Variants in NRG1 observed in about 807,000 individuals in gnomAD.
The protein encoded by NRG1 is neuregulin 1.
A neutral mutation model predicts 63.8 loss-of-function variants in NRG1; 18 were observed. The ratio of observed to expected loss-of-function variants is 0.28; its 90% CI spans 0.19 to 0.42. NRG1 has a LOEUF of 0.42. Ranked by LOEUF, NRG1 falls within the 10% of genes least tolerant of loss-of-function variation. The pLI, the probability that NRG1 is intolerant of heterozygous loss-of-function variation, is 1.00. For synonymous variants in NRG1, 302 were observed against 301.3 expected, an observed-to-expected ratio of 1.00 and a Z score of -0.02; for missense variants, 762 against 814.7, an observed-to-expected ratio of 0.94 and a Z score of 0.79.
chr8:32,548,763 G>A, exon 1 of NRG1: 1 of 1,590,976 alleles, frequency 6.3e-7, no homozygotes, highest in Admixed American at 1.8e-5. Context: ...CAAAGGGAAG[G>A]GCAAGAAGAA....
intron 1 of NRG1, among the ~76,000 whole-genome samples, chr8:32,004,136 G>C (rs937158456): frequency 2.0e-5 from 3 of 151,866 alleles, no homozygotes; most frequent in Admixed American, 6.6e-5. Context: ...AGTCTGAAAA[G>C]GCTGTATGAT....
chr8:32,431,288 T>C (rs1818116726), intron 1 of NRG1, among the ~76,000 whole-genome samples: 1 of 152,198 alleles, frequency 6.6e-6, no homozygotes, highest in South Asian at 2.1e-4. Context: ...GGGATTATGA[T>C]ACTAGGCAGT....
At chr8:32,395,493 A>C (rs926403418) in intron 1 of NRG1, among the ~76,000 whole-genome samples, 2 of 152,112 alleles carry the variant, frequency 1.3e-5, no homozygotes, top group Non-Finnish European at 2.9e-5. Context: ...GTGACTAATG[A>C]TATTGAGCAT....
intron 5 of NRG1, among the ~76,000 whole-genome samples, chr8:32,702,851 G>T (rs1466153465): frequency 1.3e-5 from 2 of 152,144 alleles, no homozygotes; most frequent in Non-Finnish European, 2.9e-5. Context: ...AGAAAATGAG[G>T]TGAATGAGAA....
chr8:31,786,477 G>A (rs1820183458), intron 1 of NRG1, among the ~76,000 whole-genome samples: 1 of 152,152 alleles, frequency 6.6e-6, no homozygotes, highest in African/African-American at 2.4e-5. Context: ...CTCTGACACT[G>A]TCTACCTGGA....
intron 1 of NRG1, among the ~76,000 whole-genome samples, chr8:31,790,784 C>T (rs1039630480): frequency 1.3e-5 from 2 of 152,134 alleles, no homozygotes; most frequent in African/African-American, 2.4e-5. Context: ...CCCACCCTTC[C>T]GTGCAAATTT....
At chr8:32,303,555 C>A (rs925781565) in intron 1 of NRG1, among the ~76,000 whole-genome samples, 2 of 152,182 alleles carry the variant, frequency 1.3e-5, no homozygotes, top group African/African-American at 4.8e-5. Context: ...AAAGTGCCAG[C>A]ACCGTTAGCA....
At chr8:32,569,433 T>C (rs751653486) in intron 1 of NRG1, among the ~76,000 whole-genome samples, 1 of 152,218 alleles carries the variant, frequency 6.6e-6, no homozygotes, top group Non-Finnish European at 1.5e-5. Flanking sequence ...ACTTTAGTGA[T>C]ACTGTAGTTC....
chr8:32,401,359 C>T (rs1587390330), intron 1 of NRG1, among the ~76,000 whole-genome samples: 1 of 152,220 alleles, frequency 6.6e-6, no homozygotes. Context: ...ACGTGCCCTG[C>T]TTTCTGGCAG....
intron 1 of NRG1, among the ~76,000 whole-genome samples, chr8:32,447,264 C>T (rs533930681): frequency 6.6e-6 from 1 of 152,008 alleles, no homozygotes; most frequent in Non-Finnish European, 1.5e-5. Context: ...ACCTCGTGAT[C>T]CACCTGCATC....
intron 1 of NRG1, among the ~76,000 whole-genome samples, chr8:32,419,308 G>A (rs906393706): frequency 2.6e-5 from 4 of 152,188 alleles, no homozygotes; most frequent in Admixed American, 1.3e-4. Context: ...TCTCCATACT[G>A]TTTTGCAGTA....
intron 6 of NRG1, chr8:32,728,388 A>G (rs1242951492): frequency 2.0e-6 from 2 of 985,232 alleles, no homozygotes; most frequent in Non-Finnish European, 2.4e-6. Flanking sequence ...AGATGTGCAG[A>G]TATCACAGAG....
At chr8:32,025,825 G>A (rs1586562960) in intron 1 of NRG1, among the ~76,000 whole-genome samples, 1 of 151,068 alleles carries the variant, frequency 6.6e-6, no homozygotes. Flanking sequence ...GCGGGCGCCT[G>A]TAGTCCCAGC....
intron 6 of NRG1, among the ~76,000 whole-genome samples, chr8:32,740,240 G>A (rs1467442849): frequency 8.1e-6 from 1 of 124,008 alleles, no homozygotes; most frequent in Admixed American, 1.1e-4. Flanking sequence ...TTGTCTCCCA[G>A]GCTGGAGTGC....
At chr8:32,497,041 C>G (rs976619371) in intron 1 of NRG1, among the ~76,000 whole-genome samples, 2 of 152,140 alleles carry the variant, frequency 1.3e-5, no homozygotes, top group Non-Finnish European at 2.9e-5. Flanking sequence ...TAATACCTGT[C>G]TTCTAATTCA....
chr8:31,765,205 C>T (rs1817941092), intron 1 of NRG1, among the ~76,000 whole-genome samples: 1 of 152,092 alleles, frequency 6.6e-6, no homozygotes, highest in Admixed American at 6.6e-5. Flanking sequence ...ACTGAACTCA[C>T]TTATTAGTTC....
chr8:32,246,248 AAG>A (rs1161141938), intron 1 of NRG1, among the ~76,000 whole-genome samples: 3 of 152,196 alleles, frequency 2.0e-5, no homozygotes, highest in African/African-American at 4.8e-5. Context: ...AGAAAATAGA[AAG>A]AAGTTTCCTA....
chr8:32,384,424 T>C (rs1389229934), intron 1 of NRG1, among the ~76,000 whole-genome samples: 1 of 152,202 alleles, frequency 6.6e-6, no homozygotes, highest in Admixed American at 6.5e-5. Context: ...CCTCACAGAT[T>C]ATCTGTCTCC....
intron 1 of NRG1, among the ~76,000 whole-genome samples, chr8:32,112,736 C>T (rs1011785483): frequency 2.0e-5 from 3 of 152,128 alleles, no homozygotes; most frequent in African/African-American, 7.2e-5. Flanking sequence ...GAGTGCCTCC[C>T]TCTATAAACT....
Sources: gnomAD v4.1 joint callset for allele counts (sites outside exome capture counted in the v4.1 genomes callset) on GRCh38, gnomAD v4.1.1 for gene constraint, MANE v1.5 for transcripts, NCBI Gene and HGNC (gene_info 2026-07-23, HGNC 2026-07-21) for gene names.